ANP32A: variants seen among roughly 807,000 people sequenced by gnomAD.
The protein encoded by ANP32A is acidic nuclear phosphoprotein 32 family member A, also known as acidic leucine-rich nuclear phosphoprotein 32 family member A.
In ANP32A, 1 loss-of-function variant was observed where a neutral mutation model predicts 33.9. The ratio of observed to expected loss-of-function variants is 0.03; its 90% CI spans 0.01 to 0.14. The LOEUF (loss-of-function observed/expected upper bound fraction) is 0.14. ANP32A is among the 10% of genes least tolerant of loss of function. ANP32A has a pLI of 1.00. For synonymous variants in ANP32A, 115 were observed against 120.5 expected (o/e 0.95, Z 0.30); for missense variants, 155 against 306.0 (o/e 0.51, Z 3.68).
At chr15:68,817,239 T>C (rs936579892) in intron 1 of ANP32A, 4 of 152,260 alleles carry the variant, frequency 2.6e-5, no homozygotes, top group Non-Finnish European at 5.9e-5. Flanking sequence ...CATCCCTCTC[T>C]TTCGCTTTAG....
chr15:68,812,171 G>T (rs933715146), intron 1 of ANP32A, among the ~76,000 whole-genome samples: 1 of 152,134 alleles, frequency 6.6e-6, no homozygotes, highest in African/African-American at 2.4e-5. Flanking sequence ...CTCATTTTGC[G>T]GAGACAAAAA....
chr15:68,814,651 A>G (rs1387160328), intron 1 of ANP32A, among the ~76,000 whole-genome samples: 1 of 152,114 alleles, frequency 6.6e-6, no homozygotes, highest in Non-Finnish European at 1.5e-5. Flanking sequence ...TTTTATAACC[A>G]TTCCTTCCGT....
At chr15:68,812,975 GTCTTTAATAGT>G (rs1401224990) in intron 1 of ANP32A, 1 of 152,214 alleles carries the variant, frequency 6.6e-6, no homozygotes, top group Non-Finnish European at 1.5e-5. Flanking sequence ...GAGCATCCAA[GTCTTTAATAGT>G]TCTCTGGTAA....
chr15:68,807,011 G>T (rs1037999570), intron 1 of ANP32A, among the ~76,000 whole-genome samples: 1 of 152,374 alleles, frequency 6.6e-6, no homozygotes, highest in African/African-American at 2.4e-5. Flanking sequence ...AGGGGGTATG[G>T]ACATATAAAG....
intron 1 of ANP32A, among the ~76,000 whole-genome samples, chr15:68,802,659 T>TGTCTAAG (rs1894152913): frequency 3.3e-5 from 5 of 152,204 alleles, no homozygotes; most frequent in Admixed American, 3.3e-4. Context: ...TATTATCTTA[T>TGTCTAAG]TTATTTATTT....
At chr15:68,813,054 C>T (rs1483117142) in intron 1 of ANP32A, 1 of 152,228 alleles carries the variant, frequency 6.6e-6, no homozygotes, top group African/African-American at 2.4e-5. Flanking sequence ...ACAGTGCTGA[C>T]TTTAATCCAC....
chr15:68,807,433 G>GTA (rs200285341), intron 1 of ANP32A, among the ~76,000 whole-genome samples: 1 of 147,476 alleles, frequency 6.8e-6, no homozygotes, highest in African/African-American at 2.4e-5. Context: ...AAAACGGGGG[G>GTA]GGGGGAGTCT....
intron 1 of ANP32A, among the ~76,000 whole-genome samples, chr15:68,811,622 G>A (rs953717967): frequency 6.6e-6 from 1 of 152,222 alleles, no homozygotes; most frequent in Admixed American, 6.5e-5. Flanking sequence ...CAGGACTGTA[G>A]TGAATTCCTA....
chr15:68,816,427 T>C (rs1894382935), intron 1 of ANP32A, among the ~76,000 whole-genome samples: 1 of 152,150 alleles, frequency 6.6e-6, no homozygotes, highest in Admixed American at 6.5e-5. Flanking sequence ...CATAGTGCTG[T>C]TGTGGGGACT....
intron 3 of ANP32A, among the ~76,000 whole-genome samples, chr15:68,786,372 GC>G (rs1318388878): frequency 6.8e-6 from 1 of 147,738 alleles, no homozygotes; most frequent in African/African-American, 2.5e-5. Flanking sequence ...AGATTCTCCT[GC>G]CTCGGCCTCC....
chr15:68,789,545 T>C (rs1337208425), intron 1 of ANP32A: 1 of 152,246 alleles, frequency 6.6e-6, no homozygotes, highest in Non-Finnish European at 1.5e-5. Flanking sequence ...AGTAGAGATA[T>C]GGGGGAAAGG....
intron 1 of ANP32A, among the ~76,000 whole-genome samples, chr15:68,811,465 A>T (rs1894311000): frequency 6.6e-6 from 1 of 152,124 alleles, no homozygotes; most frequent in Non-Finnish European, 1.5e-5. Flanking sequence ...AGAAACCAGG[A>T]GGTTTCCATT....
At chr15:68,814,007 C>A (rs1182139400) in intron 1 of ANP32A, among the ~76,000 whole-genome samples, 1 of 151,338 alleles carries the variant, frequency 6.6e-6, no homozygotes, top group Non-Finnish European at 1.5e-5. Context: ...ATAGCTGGGA[C>A]CACAGGCACC....
chr15:68,807,426 A>G (rs1349268362), intron 1 of ANP32A, among the ~76,000 whole-genome samples: 1 of 32,932 alleles, frequency 3.0e-5, no homozygotes, highest in Non-Finnish European at 2.1e-4. Flanking sequence ...TCCACAGAAA[A>G]CGGGGGGGGG....
rs1204113467 is a variant in ANP32A, at chr15:68,787,543, A to G, written c.205-8T>C. The G allele has an allele frequency of 6.2e-7, 1 of 1,614,134 alleles. No homozygotes were observed. Among genetic ancestry groups the G allele is most frequent in the Middle Eastern group, 1.6e-4 (1 of 6,062 alleles). ...GTTATCGCTTAGTTCAAGCTAAATAAGGCAGGGAAAGAAAAAGCAGAAACA... is the reference window on the plus strand; with the variant it reads ...GTTATCGCTTAGTTCAAGCTAAATAGGGCAGGGAAAGAAAAAGCAGAAACA... On this transcript the variant is annotated splice_region_variant and splice_polypyrimidine_tract_variant and intron_variant, in intron 2 of 6. Coordinates refer to ENST00000465139, the MANE Select transcript of ANP32A (RefSeq NM_006305.4).
intron 1 of ANP32A, among the ~76,000 whole-genome samples, chr15:68,792,615 T>G (rs1894012096): frequency 6.6e-6 from 1 of 152,198 alleles, no homozygotes; most frequent in Non-Finnish European, 1.5e-5. Flanking sequence ...TCTCTCAAAT[T>G]TGGCCTTTCC....
intron 1 of ANP32A, chr15:68,817,322 A>T (rs937754565): frequency 2.6e-5 from 4 of 152,282 alleles, no homozygotes; most frequent in African/African-American, 9.6e-5. Flanking sequence ...TAGACCGAGG[A>T]GGAGGGTTCC....
chr15:68,818,518 G>C (rs1894421659), intron 1 of ANP32A, among the ~76,000 whole-genome samples: 1 of 150,580 alleles, frequency 6.6e-6, no homozygotes, highest in African/African-American at 2.4e-5. Context: ...GCCCCACCCC[G>C]CCTCCAGGCA....
intron 1 of ANP32A, among the ~76,000 whole-genome samples, chr15:68,807,540 G>C (rs1389244003): frequency 1.3e-5 from 2 of 151,672 alleles, no homozygotes; most frequent in East Asian, 3.9e-4. Context: ...TCTCAGACTT[G>C]CTCCCACCCC....
Sources: gnomAD v4.1 joint callset for allele counts (sites outside exome capture counted in the v4.1 genomes callset) on GRCh38, gnomAD v4.1.1 for gene constraint, MANE v1.5 for transcripts, NCBI Gene and HGNC (gene_info 2026-07-23, HGNC 2026-07-21) for gene names.